The following SH2D3C variants were observed in gnomAD, a reference collection of about 807,000 sequenced individuals.
SH2D3C encodes SH2 domain-containing protein 3C.
SH2D3C carries 25 observed loss-of-function variants against 75.2 expected under a neutral mutation model. The observed-to-expected ratio is 0.33, with a 90% CI of 0.24 to 0.46. The LOEUF (loss-of-function observed/expected upper bound fraction) is 0.46. Among genes scored for constraint, SH2D3C ranks in the 20% least tolerant of loss-of-function variants. The pLI is 1.00. For synonymous variants in SH2D3C, 450 were observed against 473.7 expected (o/e 0.95, Z 0.65); for missense variants, 933 against 1,165.3 (o/e 0.80, Z 2.90).
chr9:127,761,707 G>T (rs1363894975), intron 2 of SH2D3C, 57 bp from the exon 3 acceptor site: 3 of 1,493,610 alleles, frequency 2.0e-6, no homozygotes, highest in East Asian at 4.6e-5. Context: ...CCCAGCTGCC[G>T]GTCTCTTGCC....
intron 1 of SH2D3C, among the ~76,000 whole-genome samples, chr9:127,778,200 C>T (rs1185581635): frequency 6.6e-6 from 1 of 151,312 alleles, no homozygotes; most frequent in African/African-American, 2.4e-5. Context: ...GTTGGCCAGG[C>T]TGGTCTCGAA....
chr9:127,774,200 G>C lies in SH2D3C; in HGVS notation c.305C>G (p.Pro102Arg). 6.2e-7 allele frequency: 1 copy of C among 1,613,878 alleles called. No individual in the cohort carries two copies. Among genetic ancestry groups the C allele is most frequent in the South Asian group, 1.1e-5 (1 of 91,050 alleles). ...QAARQAQEAG[P>R]KPNLVPGGVP... is the part of the protein sequence containing the mutation. ...ACCTCCGGGTACCAAGTTGGGCTTGGGACCCGCCTCCTGGGCCTGCCGGGC... is the reference window on the plus strand; with the variant it reads ...ACCTCCGGGTACCAAGTTGGGCTTGCGACCCGCCTCCTGGGCCTGCCGGGC... The change falls in exon 2 of 12, where the codon CCC becomes CGC. Residue 102 changes from proline (P) to arginine (R), a missense_variant. Physicochemically the swap from Pro to Arg is moderately radical, Grantham distance 103 (BLOSUM62 -2). Coordinates refer to ENST00000314830, the MANE Select transcript of SH2D3C (RefSeq NM_170600.3). This position sits in a 1 kb window ranked among gnomAD's most constrained non-coding sequence, Gnocchi z 4.3.
intron 2 of SH2D3C, among the ~76,000 whole-genome samples, chr9:127,769,021 T>C (rs1845686351): frequency 6.6e-6 from 1 of 152,194 alleles, no homozygotes; most frequent in Non-Finnish European, 1.5e-5. Context: ...CAACCAATTC[T>C]AGAGCTGATT....
rs912580249 is a variant in SH2D3C, at chr9:127,751,645, G to T, written c.556-345C>A. On this transcript the variant is annotated intron_variant, in intron 3 of 11. Transcript: ENST00000314830. The surrounding 1 kb of genome is among the most constrained non-coding windows in gnomAD (Gnocchi z 4.1). ...GTCAGCACCACAGCGCTGGACAGCG[G>T]CAAAGAGCCGGGTGGCTTTTACAAG... Among the ~76,000 whole-genome samples the T allele has an allele frequency of 6.6e-6, 1 of 152,252 alleles. No individual in the cohort carries two copies. The highest frequency in any genetic ancestry group is 2.4e-5 in the African/African-American group (1 of 41,468).
chr9:127,749,596 A>C lies in SH2D3C; in HGVS notation c.754T>G (p.Tyr252Asp). The C allele has an allele frequency of 6.2e-7, 1 of 1,602,614 alleles. No homozygotes were observed. Among genetic ancestry groups the C allele is most frequent in the South Asian group, 1.1e-5 (1 of 89,492 alleles). Residue 252 changes from tyrosine (Y) to aspartate (D), a missense_variant, in exon 5 of 12, where the codon TAT becomes GAT. Coordinates refer to ENST00000314830, the MANE Select transcript of SH2D3C (RefSeq NM_170600.3). The surrounding 1 kb of genome is among the most constrained non-coding windows in gnomAD (Gnocchi z 5.9). ...TTGCGCCAGCGGCACGTGAGCACAT[A>C]GTCGCCCAGGCTGGTGAGTGAGTCC... ...IRDSLTSLGD[Y>D]VLTCRWRNQA...
chr9:127,771,903 G>C (rs1425694065), intron 2 of SH2D3C, among the ~76,000 whole-genome samples: 3 of 152,220 alleles, frequency 2.0e-5, no homozygotes, highest in Non-Finnish European at 4.4e-5. Flanking sequence ...CAGCCACTGT[G>C]TTGAGATTTT....
chr9:127,763,734 G>A (rs1354107706), intron 2 of SH2D3C, among the ~76,000 whole-genome samples: 1 of 152,082 alleles, frequency 6.6e-6, no homozygotes, highest in East Asian at 1.9e-4. Context: ...AAAGAAAGCT[G>A]AGATAAAAAA....
Position 127,747,152 on chromosome 9 carries a change from C to A in SH2D3C, c.1259G>T (p.Ser420Ile). 6.2e-7 allele frequency: 1 copy of A among 1,613,824 alleles called. No individual in the cohort carries two copies. The highest frequency in any genetic ancestry group is 8.5e-7 in the Non-Finnish European group (1 of 1,179,914). ...ACCCCCTCTGCTGGCCATACCAGTG[C>A]TGTAGGCAGGGGAGCTAGGGCTCTC... ...ISESPSSPAY[S>I]TVTRVHAAPA... The change falls in exon 6 of 12, where the codon AGC becomes ATC. Residue 420 changes from serine (S) to isoleucine (I), a missense_variant. By Grantham distance (142) the Ser-to-Ile change is moderately radical (BLOSUM62 -2). Transcript: ENST00000314830.
intron 1 of SH2D3C, 141 bp downstream of exon 1, chr9:127,778,443 CGCTGGTG>C: frequency 1.4e-6 from 1 of 695,718 alleles, no homozygotes. Context: ...GTGACAGAGA[CGCTGGTG>C]TCCAAAAGCA....
intron 7 of SH2D3C, among the ~76,000 whole-genome samples, 153 bp downstream of exon 7, chr9:127,744,411 C>G (rs1844961088): frequency 6.6e-6 from 1 of 152,080 alleles, no homozygotes; most frequent in South Asian, 2.1e-4. Flanking sequence ...GGCTAAATGA[C>G]CAGCCCAGAG....
chr9:127,771,152 G>A, intron 2 of SH2D3C: 4 of 1,494,144 alleles, frequency 2.7e-6, no homozygotes, highest in Non-Finnish European at 2.7e-6. Flanking sequence ...CCTGCTCCCC[G>A]CTGGCCCTCC....
chr9:127,763,549 T>G (rs1393177137), intron 2 of SH2D3C, among the ~76,000 whole-genome samples: 2 of 152,142 alleles, frequency 1.3e-5, no homozygotes, highest in Non-Finnish European at 2.9e-5. Context: ...CTTAAAGGGA[T>G]GCATGAATAG....
chr9:127,756,640 C>CTTTTT lies in SH2D3C; in HGVS notation c.555+4966_555+4970dup, dbSNP rs573247009. Among the ~76,000 whole-genome samples, 41 of 93,822 alleles carry CTTTTT rather than the reference C, an allele frequency of 4.4e-4. 1 individual carries two copies. Among genetic ancestry groups the CTTTTT allele is most frequent in the East Asian group, 5.7e-4 (2 of 3,522 alleles). The allele number at this position is 93,822 out of a possible 152,430, so 61.6% of individuals were successfully genotyped here. On this transcript the variant is annotated intron_variant, in intron 3 of 11. Transcript: ENST00000314830. The stretch of plus-strand genomic sequence containing the variant: ...ATGAGTATCTCAAGGTAGGAGGGGG[C>CTTTTT]TTTTTTTTTTTTTTTTTTTTTTGAG...
At chr9:127,747,041 GTCGCGCCTCATAAAAGA>G (rs1845049953) in intron 6 of SH2D3C, 89 bp downstream of exon 6, 1 of 1,132,998 alleles carries the variant, frequency 8.8e-7, no homozygotes, top group African/African-American at 1.5e-5. Flanking sequence ...CTTGGTAAAG[GTCGCGCCTCATAAAAGA>G]GGCGGAAACA....
Position 127,744,323 on chromosome 9 carries a change from G to A in SH2D3C, c.1800+241C>T, listed in dbSNP as rs543023492. Among the ~76,000 whole-genome samples, 39 of 151,976 alleles carry A rather than the reference G, an allele frequency of 2.6e-4. No homozygotes were observed. The South Asian group carries it at 2.9e-3, about 11-fold the overall frequency. On this transcript the variant is annotated intron_variant, in intron 7 of 11. Coordinates refer to ENST00000314830, the MANE Select transcript of SH2D3C (RefSeq NM_170600.3). The stretch of plus-strand genomic sequence containing the variant: ...TGACCTCAGGTGATCCGCCCGCCTC[G>A]GCCTCCCAAAGTGCTGGGATTCAGG...
chr9:127,766,306 G>C (rs867405740), intron 2 of SH2D3C, among the ~76,000 whole-genome samples: 1 of 152,210 alleles, frequency 6.6e-6, no homozygotes, highest in African/African-American at 2.4e-5. Context: ...TCTGCCACCT[G>C]CCTTTCAGCT....
chr9:127,750,835 G>A (rs1845180195), intron 4 of SH2D3C, among the ~76,000 whole-genome samples: 2 of 152,310 alleles, frequency 1.3e-5, no homozygotes, highest in Admixed American at 1.3e-4. Context: ...ACATACAAAA[G>A]GCAGATATGT....
At chr9:127,764,822 C>G (rs1411660428) in intron 2 of SH2D3C, among the ~76,000 whole-genome samples, 1 of 152,206 alleles carries the variant, frequency 6.6e-6, no homozygotes, top group African/African-American at 2.4e-5. Flanking sequence ...ATTCTCCTGC[C>G]TCAGCCTCCC....
intron 2 of SH2D3C, chr9:127,771,337 G>A (rs1242332699): frequency 1.4e-6 from 2 of 1,399,320 alleles, no homozygotes; most frequent in Non-Finnish European, 1.9e-6. Context: ...TCCGGGGGCG[G>A]AGACTGACCT....
Sources: gnomAD v4.1 joint callset for allele counts (sites outside exome capture counted in the v4.1 genomes callset) on GRCh38, gnomAD v4.1.1 for gene constraint, Gnocchi (gnomAD v3.1) non-coding constraint, MANE v1.5 for transcripts, NCBI Gene and HGNC (gene_info 2026-07-23, HGNC 2026-07-21) for gene names.